ACTR5: variants seen among roughly 807,000 people sequenced by gnomAD.
ACTR5 encodes actin-related protein 5.
In ACTR5, 43 loss-of-function variants were observed where a neutral mutation model predicts 61.2. The ratio of observed to expected loss-of-function variants is 0.70; its 90% CI spans 0.55 to 0.91. The LOEUF (loss-of-function observed/expected upper bound fraction) is 0.91, where lower values mean the gene tolerates loss of function less well. ACTR5 is among the 40% of genes least tolerant of loss of function. The probability of loss-of-function intolerance (pLI) is 0.00; values close to 1 mark genes in which losing one functional copy is unlikely to be tolerated. For missense variants in ACTR5, 798 were observed against 782.2 expected, an observed-to-expected ratio of 1.02 and a Z score of -0.24; for synonymous variants, 333 against 310.5, an observed-to-expected ratio of 1.07 and a Z score of -0.76.
chr20:38,750,005 A>G lies in ACTR5; in HGVS notation c.376-5A>G. 6.2e-7 allele frequency: 1 copy of G among 1,611,504 alleles called. No individual in the cohort carries two copies. Among genetic ancestry groups the G allele is most frequent in the Non-Finnish European group, 8.5e-7 (1 of 1,178,066 alleles). On this transcript the variant is annotated splice_region_variant and splice_polypyrimidine_tract_variant and intron_variant, in intron 1 of 8. Coordinates refer to ENST00000243903, the MANE Select transcript of ACTR5 (RefSeq NM_024855.4). ...TCATTTATTTGCCCTTTTCTTTCAA[A>G]GTAGGGCTGTGTTGATCATCCCATA...
rs2084378231 is a variant in ACTR5, at chr20:38,750,236, G to C, written c.602G>C (p.Gly201Ala). Residue 201 changes from glycine to alanine, a missense_variant, in exon 2 of 9, where the codon GGG becomes GCG. Transcript: ENST00000243903. The part of the protein sequence containing the change: ...QCTHVLPILE[G>A]RLDAKNCKRI... The stretch of plus-strand genomic sequence containing the variant: ...ACGCATGTTTTACCCATCTTAGAAG[G>C]GAGGTGAGTTGCACTTGTGGCATTT... 1.2e-6 allele frequency: 2 copies of C among 1,611,958 alleles called. No individual in the cohort carries two copies. Among genetic ancestry groups the C allele is most frequent in the Non-Finnish European group, 1.7e-6 (2 of 1,178,782 alleles).
chr20:38,754,518 A>C (rs2084406316), intron 3 of ACTR5, among the ~76,000 whole-genome samples: 1 of 151,796 alleles, frequency 6.6e-6, no homozygotes. Flanking sequence ...GGAGATCAAG[A>C]CCATCCTGGG....
Position 38,754,878 on chromosome 20 carries a change from T to C in ACTR5, c.776-79T>C, listed in dbSNP as rs1258043550. ...TGCTGGGATTACAGGCGTGAGCCCC[T>C]GCGCCCAGCTGGTATTGACTTTAAT... On this transcript the variant is annotated intron_variant, in intron 3 of 8. Coordinates refer to ENST00000243903, the MANE Select transcript of ACTR5 (RefSeq NM_024855.4). 174 of 1,475,194 alleles carry C rather than the reference T, an allele frequency of 1.2e-4. 5 individuals are homozygous for C. The South Asian group carries it at 1.6e-3, about 13-fold the overall frequency. The allele number at this position is 1,475,194 out of a possible 1,614,324, so 91.4% of individuals were successfully genotyped here.
intron 7 of ACTR5, among the ~76,000 whole-genome samples, chr20:38,767,170 T>C (rs1290166088): frequency 1.3e-5 from 2 of 152,226 alleles, no homozygotes; most frequent in African/African-American, 2.4e-5. Context: ...TATCAAAATG[T>C]ATGTAAATTT....
chr20:38,753,846 C>T (rs1454330592), intron 3 of ACTR5, among the ~76,000 whole-genome samples: 2 of 142,500 alleles, frequency 1.4e-5, no homozygotes, highest in Non-Finnish European at 3.1e-5. Context: ...CTGTTTCTCT[C>T]TCCTGCCTCC....
intron 5 of ACTR5, among the ~76,000 whole-genome samples, chr20:38,758,434 G>T (rs1735582714): frequency 6.6e-6 from 1 of 152,164 alleles, no homozygotes; most frequent in South Asian, 2.1e-4. Flanking sequence ...ATCACCTGAG[G>T]TCAGGAATTC....
At chr20:38,754,627 G>A (rs1357665267) in intron 3 of ACTR5, among the ~76,000 whole-genome samples, 1 of 152,162 alleles carries the variant, frequency 6.6e-6, no homozygotes, top group Non-Finnish European at 1.5e-5. Flanking sequence ...GCTGAGGCAG[G>A]AGAATGGCGT....
intron 1 of ACTR5, among the ~76,000 whole-genome samples, chr20:38,749,402 T>TA (rs2084372929): frequency 6.6e-6 from 1 of 152,100 alleles, no homozygotes; most frequent in Non-Finnish European, 1.5e-5. Context: ...GAGCAGCCAG[T>TA]AAAAAGGCCC....
chr20:38,751,790 G>C (rs948605468), intron 2 of ACTR5, among the ~76,000 whole-genome samples: 6 of 152,176 alleles, frequency 3.9e-5, no homozygotes, highest in Admixed American at 3.9e-4. Flanking sequence ...CAGAGCAGCT[G>C]TGTCCTGGGA....
chr20:38,767,364 G>A, intron 7 of ACTR5, 100 bp from the exon 8 acceptor site: 2 of 984,406 alleles, frequency 2.0e-6, no homozygotes. Context: ...TTTTTGTGTA[G>A]AAGTTTTTCT....
chr20:38,757,648 C>G (rs1362517991), intron 5 of ACTR5, among the ~76,000 whole-genome samples: 1 of 151,880 alleles, frequency 6.6e-6, no homozygotes, highest in Non-Finnish European at 1.5e-5. Flanking sequence ...AGGAAGCTTG[C>G]TTTTGCAGTG....
intron 5 of ACTR5, among the ~76,000 whole-genome samples, chr20:38,758,799 A>G (rs1215783192): frequency 6.6e-6 from 1 of 152,258 alleles, no homozygotes; most frequent in African/African-American, 2.4e-5. Flanking sequence ...CTACCATTCA[A>G]AAAGTATTTG....
chr20:38,760,628 A>C (rs1158770920), intron 5 of ACTR5, among the ~76,000 whole-genome samples: 1 of 152,164 alleles, frequency 6.6e-6, no homozygotes, highest in Admixed American at 6.5e-5. Flanking sequence ...CGTGTTCACA[A>C]CTCAATGGGT....
At chr20:38,749,105 C>T (rs1404328274) in intron 1 of ACTR5, among the ~76,000 whole-genome samples, 4 of 152,210 alleles carry the variant, frequency 2.6e-5, no homozygotes, top group African/African-American at 9.7e-5. Flanking sequence ...TGAGCACTTA[C>T]TCTGTGTCAG....
intron 5 of ACTR5, among the ~76,000 whole-genome samples, chr20:38,762,524 G>C (rs889948906): frequency 1.3e-5 from 2 of 152,210 alleles, no homozygotes; most frequent in Non-Finnish European, 2.9e-5. Context: ...ACAGAAAAGT[G>C]TGTGGGATAG....
At chr20:38,751,542 G>A (rs913837356) in intron 2 of ACTR5, among the ~76,000 whole-genome samples, 5 of 152,212 alleles carry the variant, frequency 3.3e-5, no homozygotes, top group Non-Finnish European at 5.9e-5. Flanking sequence ...ATCTGCTGGT[G>A]AGGTATGATA....
chr20:38,755,859 A>G lies in ACTR5; in HGVS notation c.996A>G (p.Glu332=), dbSNP rs780621580. The G allele has an allele frequency of 1.1e-5, 18 of 1,613,830 alleles. No individual in the cohort carries two copies. The highest frequency in any genetic ancestry group is 9.3e-6 in the Non-Finnish European group (11 of 1,179,964). The change falls in exon 5 of 9, where the codon GAA becomes GAG. Residue 332 remains glutamate (E), a splice_region_variant and synonymous_variant. Transcript: ENST00000243903. ...ERLDRLLYVQ[E]LLEDGQMDQF... is the part of the protein sequence containing the mutation. ...GTTTGTGACTGCTCTGTTTTCAGGA[A>G]CTTCTAGAGGATGGCCAGATGGATC...
intron 3 of ACTR5, among the ~76,000 whole-genome samples, chr20:38,753,457 A>G (rs1290689501): frequency 1.3e-5 from 2 of 152,186 alleles, no homozygotes; most frequent in African/African-American, 4.8e-5. Context: ...CAAAAGGTAC[A>G]TACTATTTGA....
intron 7 of ACTR5, among the ~76,000 whole-genome samples, chr20:38,766,610 T>C (rs560817673): frequency 1.8e-4 from 27 of 152,320 alleles, no homozygotes; most frequent in Admixed American, 1.8e-3. Flanking sequence ...CTGAGTAGCT[T>C]TAAGAGTGTC....
Sources: allele counts gnomAD v4.1 joint callset (sites outside exome capture counted in the v4.1 genomes callset), GRCh38; gene constraint gnomAD v4.1.1; transcripts MANE v1.5; gene names NCBI Gene and HGNC (gene_info 2026-07-23, HGNC 2026-07-21).